Variants in GNG7 observed in about 807,000 individuals in gnomAD.
GNG7 encodes G protein subunit gamma 7, also known as guanine nucleotide-binding protein G(I)/G(S)/G(O) subunit gamma-7.
In GNG7, 1 loss-of-function variant was observed where a neutral mutation model predicts 4.0. That is an observed-to-expected ratio of 0.25 (90% CI 0.09 to 1.18). The LOEUF (loss-of-function observed/expected upper bound fraction) is 1.18, where lower values mean the gene tolerates loss of function less well. GNG7 is among the 50% of genes most tolerant of loss of function. The pLI is 0.50. For missense variants in GNG7, 86 were observed against 91.9 expected (o/e 0.94, Z 0.26); for synonymous variants, 34 against 36.9 (o/e 0.92, Z 0.29).
chr19:2,638,622 GGAT>G (rs990233074), intron 2 of GNG7, among the ~76,000 whole-genome samples: 2 of 150,794 alleles, frequency 1.3e-5, no homozygotes, highest in African/African-American at 4.9e-5. Context: ...CATTGGGGCT[GGAT>G]GATTCTCTTG....
chr19:2,568,487 T>TA (rs1980022062), intron 2 of GNG7, among the ~76,000 whole-genome samples: 1 of 150,182 alleles, frequency 6.7e-6, no homozygotes, highest in Non-Finnish European at 1.5e-5. Flanking sequence ...CACACAGACT[T>TA]ACGCACATAC....
rs147561693 is a variant in GNG7 at position 2,546,542 on chromosome 19, G to A, written c.-38+8607C>T. 4.2e-3 allele frequency among the ~76,000 whole-genome samples: 641 copies of A among 152,342 alleles called. 1 individual carries two copies. Among genetic ancestry groups the A allele is most frequent in the Non-Finnish European group, 7.9e-3 (539 of 68,032 alleles). On this transcript the variant is annotated intron_variant, in intron 3 of 4. Transcript: ENST00000382159. The surrounding 1 kb of genome is among the most constrained non-coding windows in gnomAD (Gnocchi z 6.3). ...GGCCCTTTGCTCTCAGGCTAAATCG[G>A]TCCCCGGGGCAGCTATATTTAGAAG...
intron 2 of GNG7, among the ~76,000 whole-genome samples, chr19:2,561,045 C>T (rs892397842): frequency 3.3e-5 from 5 of 152,132 alleles, no homozygotes; most frequent in Non-Finnish European, 7.3e-5. Context: ...ATGGGGCAGA[C>T]GGTGTGTAAA....
intron 4 of GNG7, among the ~76,000 whole-genome samples, chr19:2,517,463 C>CA (rs1321156971): frequency 3.0e-4 from 46 of 152,290 alleles, no homozygotes; most frequent in African/African-American, 1.1e-3. Flanking sequence ...CCCCTGGGTC[C>CA]AAGCAATTCT....
At chr19:2,567,299 T>C (rs1206726004) in intron 2 of GNG7, among the ~76,000 whole-genome samples, 4 of 136,966 alleles carry the variant, frequency 2.9e-5, no homozygotes, top group African/African-American at 1.2e-4. Context: ...CTTTTCCATC[T>C]GCAGGTTTAT....
chr19:2,514,990 G>C lies in GNG7; in HGVS notation c.*32C>G, dbSNP rs944849455. On this transcript the variant is annotated 3_prime_UTR_variant, in exon 5 of 5. Coordinates refer to ENST00000382159, the MANE Select transcript of GNG7 (RefSeq NM_052847.3). Reference sequence around the variant, plus strand: ...AGACAGAGAGAGAGAGAGAGAAAGAGAGAGAGAGAGAGAGAACATATGAGA... The same window carrying C: ...AGACAGAGAGAGAGAGAGAGAAAGACAGAGAGAGAGAGAGAACATATGAGA... 2 of 1,465,816 alleles carry C rather than the reference G, an allele frequency of 1.4e-6. No homozygotes were observed. Among genetic ancestry groups the C allele is most frequent in the Non-Finnish European group, 1.9e-6 (2 of 1,057,362 alleles). 90.8% of individuals were successfully genotyped at this position (1,465,816 alleles called of 1,614,324 possible).
At chr19:2,637,132 G>A (rs1462041111) in intron 2 of GNG7, among the ~76,000 whole-genome samples, 2 of 151,854 alleles carry the variant, frequency 1.3e-5, no homozygotes, top group Non-Finnish European at 2.9e-5. Flanking sequence ...AAACTCCGTG[G>A]GCCTCCTCTG....
At chr19:2,649,209 G>A (rs559800784) in intron 1 of GNG7, among the ~76,000 whole-genome samples, 33 of 152,072 alleles carry the variant, frequency 2.2e-4, no homozygotes, top group African/African-American at 7.0e-4. Flanking sequence ...GAAAGGGCTG[G>A]GATTACAGGT....
intron 2 of GNG7, among the ~76,000 whole-genome samples, chr19:2,556,864 C>T (rs1281909002): frequency 2.6e-5 from 4 of 152,162 alleles, no homozygotes; most frequent in East Asian, 1.9e-4. Context: ...CCACCTGCTC[C>T]GTGCCAGGAG....
intron 2 of GNG7, among the ~76,000 whole-genome samples, chr19:2,588,243 C>T (rs1177056637): frequency 2.0e-5 from 3 of 152,092 alleles, no homozygotes; most frequent in East Asian, 1.9e-4. Flanking sequence ...AGAGGGTGGC[C>T]GGGGACTGGT....
At chr19:2,662,185 G>C (rs192462094) in intron 1 of GNG7, among the ~76,000 whole-genome samples, 1 of 151,628 alleles carries the variant, frequency 6.6e-6, no homozygotes, top group Non-Finnish European at 1.5e-5. Context: ...ACTTGAACCT[G>C]GGGGGCGGAG....
intron 3 of GNG7, among the ~76,000 whole-genome samples, chr19:2,526,964 G>C (rs181562573): frequency 6.6e-5 from 10 of 151,938 alleles, no homozygotes; most frequent in Non-Finnish European, 1.2e-4. Flanking sequence ...TCCTGCCTCA[G>C]CCTCCCGAGT....
intron 2 of GNG7, among the ~76,000 whole-genome samples, chr19:2,579,072 G>C (rs560657881): frequency 1.3e-5 from 2 of 152,358 alleles, no homozygotes; most frequent in South Asian, 2.1e-4. Context: ...CACATGGCTC[G>C]TCTCCGGCCC....
At chr19:2,548,689 T>G (rs1568239179) in intron 3 of GNG7, among the ~76,000 whole-genome samples, 2 of 152,042 alleles carry the variant, frequency 1.3e-5, no homozygotes, top group Non-Finnish European at 2.9e-5. Flanking sequence ...CTCGGGAGGC[T>G]GAGGCAGAAG....
chr19:2,540,678 GTC>G (rs1488512960), intron 3 of GNG7, among the ~76,000 whole-genome samples: 1 of 152,206 alleles, frequency 6.6e-6, no homozygotes, highest in Admixed American at 6.5e-5. Flanking sequence ...TGCCTGGCCT[GTC>G]TCTGCCGAGC....
chr19:2,533,470 G>C (rs1978654289), intron 3 of GNG7, among the ~76,000 whole-genome samples: 1 of 152,040 alleles, frequency 6.6e-6, no homozygotes. Flanking sequence ...TCTCTATGTT[G>C]GTTGAGCTGT....
chr19:2,551,335 T>C (rs1979311387), intron 3 of GNG7, among the ~76,000 whole-genome samples: 1 of 152,246 alleles, frequency 6.6e-6, no homozygotes, highest in East Asian at 1.9e-4. Flanking sequence ...CACGGGCACA[T>C]GCGACCCCTC....
intron 1 of GNG7, among the ~76,000 whole-genome samples, chr19:2,673,293 A>C (rs144504601): frequency 0.011 from 1,602 of 151,388 alleles, 33 homozygotes; most frequent in African/African-American, 0.03. Context: ...CAAAACAAAA[A>C]AAAACCCAGC....
intron 1 of GNG7, among the ~76,000 whole-genome samples, chr19:2,661,243 A>AGAAT (rs1983137662): frequency 8.6e-6 from 1 of 115,672 alleles, no homozygotes; most frequent in Non-Finnish European, 1.8e-5. Context: ...AAAGAAAGAA[A>AGAAT]GAAAAGAAAG....
Sources: allele counts gnomAD v4.1 joint callset (sites outside exome capture counted in the v4.1 genomes callset), GRCh38; gene constraint gnomAD v4.1.1; non-coding constraint Gnocchi (gnomAD v3.1); transcripts MANE v1.5; gene names NCBI Gene and HGNC (gene_info 2026-07-23, HGNC 2026-07-21).